Variants in CNTN5 observed in about 807,000 individuals in gnomAD.
CNTN5 encodes contactin-5.
In CNTN5, 77 loss-of-function variants were observed where a neutral mutation model predicts 129.1. The observed-to-expected ratio is 0.60, with a 90% CI of 0.50 to 0.72. CNTN5 has a LOEUF of 0.72. Among genes scored for constraint, CNTN5 ranks in the 30% least tolerant of loss-of-function variants. The pLI, the probability that CNTN5 is intolerant of heterozygous loss-of-function variation, is 0.00. For missense variants in CNTN5, 1,478 were observed against 1,328.8 expected (o/e 1.11, Z -1.75); for synonymous variants, 509 against 465.6 (o/e 1.09, Z -1.20).
chr11:99,512,232 T>G (rs1946864934), intron 2 of CNTN5, among the ~76,000 whole-genome samples: 1 of 152,156 alleles, frequency 6.6e-6, no homozygotes. Flanking sequence ...TTTAATACAT[T>G]TAGATACATG....
intron 2 of CNTN5, among the ~76,000 whole-genome samples, chr11:99,338,481 G>C (rs1172685103): frequency 6.6e-6 from 1 of 152,134 alleles, no homozygotes; most frequent in Non-Finnish European, 1.5e-5. Flanking sequence ...TTACGGCAGA[G>C]AACAGTTGTT....
At chr11:99,509,362 G>A (rs1263493673) in intron 2 of CNTN5, among the ~76,000 whole-genome samples, 2 of 152,116 alleles carry the variant, frequency 1.3e-5, no homozygotes, top group African/African-American at 4.8e-5. Flanking sequence ...AAACATTAAA[G>A]ATTTAATTTG....
chr11:99,574,818 T>G (rs977195310), intron 3 of CNTN5, among the ~76,000 whole-genome samples: 4 of 152,180 alleles, frequency 2.6e-5, no homozygotes, highest in Non-Finnish European at 5.9e-5. Flanking sequence ...TATTAGAACT[T>G]TGCCAGATGG....
chr11:100,007,406 G>A (rs1487335367), intron 9 of CNTN5, among the ~76,000 whole-genome samples: 7 of 152,056 alleles, frequency 4.6e-5, no homozygotes, highest in Non-Finnish European at 1.0e-4. Context: ...TGTCTACATT[G>A]AAAATCTGTT....
intron 1 of CNTN5, among the ~76,000 whole-genome samples, chr11:99,117,474 G>A (rs1858097838): frequency 6.6e-6 from 1 of 151,986 alleles, no homozygotes; most frequent in Non-Finnish European, 1.5e-5. Context: ...GTATTTTTGA[G>A]TACACCTTCT....
intron 2 of CNTN5, among the ~76,000 whole-genome samples, chr11:99,351,677 A>G (rs1396742864): frequency 6.6e-6 from 1 of 152,220 alleles, no homozygotes; most frequent in African/African-American, 2.4e-5. Context: ...AGATTTCCCA[A>G]ATTGATTGGA....
At chr11:99,299,053 T>C (rs61893134) in intron 1 of CNTN5, among the ~76,000 whole-genome samples, 1 of 152,092 alleles carries the variant, frequency 6.6e-6, no homozygotes, top group Non-Finnish European at 1.5e-5. Flanking sequence ...CTTTGAATTG[T>C]TGATCTGCTT....
At chr11:99,085,219 A>AT (rs1193815816) in intron 1 of CNTN5, among the ~76,000 whole-genome samples, 1 of 150,802 alleles carries the variant, frequency 6.6e-6, no homozygotes, top group African/African-American at 2.5e-5. Flanking sequence ...TAATTTTTGT[A>AT]TTTTTAGTAG....
chr11:100,347,658 C>T (rs1952314473), intron 23 of CNTN5, among the ~76,000 whole-genome samples: 1 of 152,050 alleles, frequency 6.6e-6, no homozygotes, highest in African/African-American at 2.4e-5. Flanking sequence ...TGTTCAGACA[C>T]CCTGCAGGCA....
At chr11:100,269,357 G>A (rs1299682867) in intron 17 of CNTN5, among the ~76,000 whole-genome samples, 1 of 152,150 alleles carries the variant, frequency 6.6e-6, no homozygotes, top group Non-Finnish European at 1.5e-5. Flanking sequence ...CAGACAGTAA[G>A]TAATAGCACA....
chr11:99,979,554 T>C (rs550570372), intron 8 of CNTN5, among the ~76,000 whole-genome samples: 1 of 152,116 alleles, frequency 6.6e-6, no homozygotes, highest in African/African-American at 2.4e-5. Context: ...GAAGGATACA[T>C]GTATATGGAG....
At chr11:100,047,682 C>T (rs1464365707) in intron 9 of CNTN5, among the ~76,000 whole-genome samples, 2 of 152,192 alleles carry the variant, frequency 1.3e-5, no homozygotes, top group East Asian at 3.9e-4. Context: ...ATCAGGGATA[C>T]CCAGATAGCT....
chr11:99,484,098 G>C (rs1365853101), intron 2 of CNTN5, among the ~76,000 whole-genome samples: 3 of 151,668 alleles, frequency 2.0e-5, no homozygotes, highest in Non-Finnish European at 4.4e-5. Flanking sequence ...CAAAGGAAAC[G>C]GTCAATAGAA....
At chr11:99,270,255 C>T (rs1012128837) in intron 1 of CNTN5, among the ~76,000 whole-genome samples, 2 of 151,810 alleles carry the variant, frequency 1.3e-5, no homozygotes, top group African/African-American at 4.8e-5. Context: ...TTCAAAACCA[C>T]AATAGAGTGG....
intron 17 of CNTN5, among the ~76,000 whole-genome samples, chr11:100,262,090 A>C (rs555574146): frequency 7.2e-4 from 110 of 152,276 alleles, no homozygotes; most frequent in African/African-American, 1.9e-3. Context: ...AAGAACTTAA[A>C]CAAATTTACA....
chr11:100,260,326 C>T (rs1950169184), intron 17 of CNTN5, among the ~76,000 whole-genome samples: 1 of 152,040 alleles, frequency 6.6e-6, no homozygotes, highest in South Asian at 2.1e-4. Flanking sequence ...CAAAAGAAGC[C>T]CAGGACCAGA....
At chr11:100,327,197 T>G (rs1951806839) in intron 21 of CNTN5, among the ~76,000 whole-genome samples, 1 of 152,240 alleles carries the variant, frequency 6.6e-6, no homozygotes, top group African/African-American at 2.4e-5. Context: ...TCATCCTGCT[T>G]AAAAGCATTC....
chr11:99,855,394 A>G (rs867898606), intron 6 of CNTN5, among the ~76,000 whole-genome samples: 38 of 152,202 alleles, frequency 2.5e-4, no homozygotes, highest in African/African-American at 9.2e-4. Context: ...AACAGAAATC[A>G]TAATCCAAGG....
chr11:99,216,805 G>A (rs1342307305), intron 1 of CNTN5, among the ~76,000 whole-genome samples: 1 of 152,022 alleles, frequency 6.6e-6, no homozygotes, highest in East Asian at 1.9e-4. Flanking sequence ...TTCAGTTCAG[G>A]AAAGGAAATA....
Sources: allele counts gnomAD v4.1 joint callset (sites outside exome capture counted in the v4.1 genomes callset), GRCh38; gene constraint gnomAD v4.1.1; transcripts MANE v1.5; gene names NCBI Gene and HGNC (gene_info 2026-07-23, HGNC 2026-07-21).